Variants in SLC35F1 observed in about 807,000 individuals in gnomAD.
The protein encoded by SLC35F1 is solute carrier family 35 member F1, also known as chromosome 6 open reading frame 169.
Under a neutral mutation model 48.7 loss-of-function variants are expected in SLC35F1, and 14 were observed. That is an observed-to-expected ratio of 0.29 (90% CI 0.19 to 0.45). The LOEUF is 0.45. Among genes scored for constraint, SLC35F1 ranks in the 20% least tolerant of loss-of-function variants. SLC35F1 has a pLI of 1.00. For synonymous variants in SLC35F1, 190 were observed against 202.2 expected (o/e 0.94, Z 0.51); for missense variants, 404 against 500.0 (o/e 0.81, Z 1.83).
chr6:118,295,550 T>C (rs1776173770), intron 7 of SLC35F1, among the ~76,000 whole-genome samples: 1 of 152,184 alleles, frequency 6.6e-6, no homozygotes, highest in Non-Finnish European at 1.5e-5. Context: ...CTGTTGATCC[T>C]CTGTGTCAGT....
At chr6:118,102,368 G>C (rs568904899) in intron 1 of SLC35F1, among the ~76,000 whole-genome samples, 9 of 152,090 alleles carry the variant, frequency 5.9e-5, no homozygotes, top group Admixed American at 5.9e-4. Context: ...ATTTTTTTTA[G>C]AGACAGGTTC....
intron 1 of SLC35F1, among the ~76,000 whole-genome samples, chr6:117,919,210 A>G (rs1413240175): frequency 6.6e-6 from 1 of 152,194 alleles, no homozygotes; most frequent in African/African-American, 2.4e-5. Context: ...GATGTGACTT[A>G]GCAATCACTT....
chr6:117,915,656 G>T (rs780228123), intron 1 of SLC35F1, among the ~76,000 whole-genome samples: 3 of 152,186 alleles, frequency 2.0e-5, no homozygotes, highest in Non-Finnish European at 2.9e-5. Context: ...ATAACTGAAA[G>T]TCTTAGATGC....
chr6:118,130,707 T>C (rs1773697542), intron 1 of SLC35F1, among the ~76,000 whole-genome samples: 1 of 152,102 alleles, frequency 6.6e-6, no homozygotes, highest in Non-Finnish European at 1.5e-5. Context: ...ATCTGCAATT[T>C]TGTATTCAGA....
At chr6:118,286,803 GTT>G (rs878898581) in intron 7 of SLC35F1, among the ~76,000 whole-genome samples, 1,153 of 99,988 alleles carry the variant, frequency 0.012, 3 homozygotes, top group South Asian at 0.012. Flanking sequence ...GTGTGTGTGT[GTT>G]TGTGTGTGTG....
chr6:118,071,079 G>A (rs796686238), intron 1 of SLC35F1, among the ~76,000 whole-genome samples: 428 of 1,374 alleles, frequency 0.31, 1 homozygote, highest in East Asian at 0.42. Flanking sequence ...TATACTATGT[G>A]TATATATACA....
intron 1 of SLC35F1, among the ~76,000 whole-genome samples, chr6:118,077,919 T>C (rs1377672537): frequency 6.6e-6 from 1 of 152,226 alleles, no homozygotes; most frequent in African/African-American, 2.4e-5. Context: ...ATTTTCTAGA[T>C]CACTAAGTTT....
intron 1 of SLC35F1, among the ~76,000 whole-genome samples, chr6:118,108,457 T>C (rs1773354514): frequency 6.6e-6 from 1 of 152,170 alleles, no homozygotes; most frequent in East Asian, 1.9e-4. Context: ...AGCCTGTATA[T>C]CCATAGTTTC....
intron 3 of SLC35F1, among the ~76,000 whole-genome samples, chr6:118,257,632 A>G (rs973564006): frequency 2.6e-5 from 4 of 152,330 alleles, no homozygotes; most frequent in Admixed American, 1.3e-4. Flanking sequence ...ATCCAAGAAG[A>G]GAGGAAAACT....
Position 118,051,067 on chromosome 6 carries a change from A to G in SLC35F1, c.174-103378A>G, listed in dbSNP as rs551212433. ...CATACTTCATTAAAGGACATATGTT[A>G]AGAATTTGTGCATCCTCTCCTGCTA... On this transcript the variant is annotated intron_variant, in intron 1 of 7. Transcript: ENST00000360388. Among the ~76,000 whole-genome samples, 7 of 152,318 alleles carry G rather than the reference A, an allele frequency of 4.6e-5. No individual in the cohort carries two copies. The East Asian group carries it at 1.4e-3, about 29-fold the overall frequency.
At chr6:118,136,417 G>T (rs1238670737) in intron 1 of SLC35F1, among the ~76,000 whole-genome samples, 4 of 152,114 alleles carry the variant, frequency 2.6e-5, no homozygotes, top group Non-Finnish European at 5.9e-5. Flanking sequence ...TTCTATTTGA[G>T]ATTTTTTTGG....
intron 7 of SLC35F1, among the ~76,000 whole-genome samples, chr6:118,300,275 C>T (rs1171057680): frequency 6.6e-6 from 1 of 151,930 alleles, no homozygotes; most frequent in African/African-American, 2.4e-5. Context: ...TAATCTAGAG[C>T]CGATTTAAAG....
At chr6:118,257,685 G>C (rs537734835) in intron 3 of SLC35F1, among the ~76,000 whole-genome samples, 1 of 152,268 alleles carries the variant, frequency 6.6e-6, no homozygotes, top group South Asian at 2.1e-4. Context: ...GAAGAAAACA[G>C]AACATGTAGT....
At position 118,317,138 on chromosome 6, in the gene SLC35F1, G is replaced by A. The variant is rs1374272748; in HGVS notation, c.*2886G>A. ...AGCAATTTATATAGAATTTGATCAGGTAAGAGCGAACCACAATTCTCCTGA... is the reference window on the plus strand; with the variant it reads ...AGCAATTTATATAGAATTTGATCAGATAAGAGCGAACCACAATTCTCCTGA... On this transcript the variant is annotated 3_prime_UTR_variant, in exon 8 of 8. Coordinates refer to ENST00000360388, the MANE Select transcript of SLC35F1 (RefSeq NM_001029858.4). 3 of 152,502 alleles carry A rather than the reference G, an allele frequency of 2.0e-5. No individual in the cohort carries two copies. The highest frequency in any genetic ancestry group is 4.4e-5 in the Non-Finnish European group (3 of 68,024). 9.4% of individuals were successfully genotyped at this position (152,502 alleles called of 1,614,324 possible).
At chr6:118,066,096 C>T (rs1171911424) in intron 1 of SLC35F1, among the ~76,000 whole-genome samples, 1 of 152,134 alleles carries the variant, frequency 6.6e-6, no homozygotes, top group Non-Finnish European at 1.5e-5. Flanking sequence ...TTTTAACAAG[C>T]ACCCTTTGGG....
At chr6:117,973,564 T>C (rs1016120911) in intron 1 of SLC35F1, among the ~76,000 whole-genome samples, 1 of 151,802 alleles carries the variant, frequency 6.6e-6, no homozygotes, top group Admixed American at 6.6e-5. Flanking sequence ...TATTTATTTA[T>C]TTAATTTTTA....
chr6:118,067,614 G>A (rs551679059), intron 1 of SLC35F1, among the ~76,000 whole-genome samples: 75 of 152,166 alleles, frequency 4.9e-4, no homozygotes, highest in Admixed American at 6.5e-4. Context: ...AGTCTCAAAT[G>A]ATGATGAAAA....
At chr6:118,160,469 A>G (rs1774214019) in intron 2 of SLC35F1, among the ~76,000 whole-genome samples, 1 of 152,260 alleles carries the variant, frequency 6.6e-6, no homozygotes, top group Admixed American at 6.5e-5. Context: ...AGTCTCTAAT[A>G]GTGCTAATAG....
At chr6:117,936,573 T>C (rs111508079) in intron 1 of SLC35F1, among the ~76,000 whole-genome samples, 8 of 152,216 alleles carry the variant, frequency 5.3e-5, no homozygotes, top group African/African-American at 1.9e-4. Flanking sequence ...CCATAAAATT[T>C]CTGTTCATCA....
Sources: allele counts gnomAD v4.1 joint callset (sites outside exome capture counted in the v4.1 genomes callset), GRCh38; gene constraint gnomAD v4.1.1; transcripts MANE v1.5; gene names NCBI Gene and HGNC (gene_info 2026-07-23, HGNC 2026-07-21).